The following PHF3 variants were observed in gnomAD, a reference collection of about 807,000 sequenced individuals.
The protein encoded by PHF3 is PHD finger protein 3.
A neutral mutation model predicts 178.4 loss-of-function variants in PHF3; 41 were observed. The ratio of observed to expected loss-of-function variants is 0.23; its 90% CI spans 0.18 to 0.30. The LOEUF is 0.30. Ranked by LOEUF, PHF3 falls within the 10% of genes least tolerant of loss-of-function variation. The pLI, the probability that PHF3 is intolerant of heterozygous loss-of-function variation, is 1.00. For missense variants in PHF3, 2,346 were observed against 2,398.1 expected (o/e 0.98, Z 0.45); for synonymous variants, 842 against 800.5 (o/e 1.05, Z -0.88).
At position 63,667,514 on chromosome 6, in the gene PHF3, T is replaced by C. The variant is rs531365657; in HGVS notation, c.245-12486T>C. On this transcript the variant is annotated intron_variant, in intron 2 of 15. Coordinates refer to ENST00000262043, the MANE Select transcript of PHF3 (RefSeq NM_001370348.2). ...CCATTTAGTTGAACTTTATCATGTA[T>C]CTTCCCAAAAAGGACTTATATATAA... 5.9e-5 allele frequency among the ~76,000 whole-genome samples: 9 copies of C among 152,328 alleles called. No homozygotes were observed. In the South Asian group the frequency reaches 1.2e-3, roughly 21 times the overall value.
chr6:63,682,197 G>T (rs1766468329), intron 3 of PHF3, among the ~76,000 whole-genome samples: 1 of 152,098 alleles, frequency 6.6e-6, no homozygotes, highest in Non-Finnish European at 1.5e-5. Flanking sequence ...CCAACAAATG[G>T]AGTAGGGGAA....
chr6:63,694,518 G>A (rs546656211), intron 5 of PHF3, 63 bp from the exon 6 acceptor site: 69 of 1,149,514 alleles, frequency 6.0e-5, no homozygotes, highest in South Asian at 1.1e-4. Flanking sequence ...ATTTTTGTAC[G>A]TCTTAAAAAA....
At chr6:63,711,079 A>G in intron 14 of PHF3, 88 bp from the exon 15 acceptor site, 1 of 878,454 alleles carries the variant, frequency 1.1e-6, no homozygotes, top group South Asian at 2.1e-5. Flanking sequence ...AAAGTTCAAT[A>G]GATTATTACT....
chr6:63,694,826 T>A, intron 6 of PHF3, 62 bp downstream of exon 6: 1 of 957,808 alleles, frequency 1.0e-6, no homozygotes, highest in Non-Finnish European at 1.4e-6. Context: ...AAGATACAAT[T>A]AATTAGTATA....
rs1768117375 is a variant in PHF3 at position 63,714,560 on chromosome 6, A to C, written c.*852A>C. ...GTTACTCAGCCAAGAACATATAGAA[A>C]TAGCTATCTATGTCAGGCATTAGAT... On this transcript the variant is annotated 3_prime_UTR_variant, in exon 16 of 16. Coordinates refer to ENST00000262043, the MANE Select transcript of PHF3 (RefSeq NM_001370348.2). The C allele has an allele frequency of 6.6e-6, 1 of 152,534 alleles. No individual in the cohort carries two copies. The highest frequency in any genetic ancestry group is 1.5e-5 in the Non-Finnish European group (1 of 67,994). The allele number at this position is 152,534 out of a possible 1,614,324, so 9.4% of individuals were successfully genotyped here.
chr6:63,660,360 C>A (rs1000890451), intron 2 of PHF3, among the ~76,000 whole-genome samples: 6 of 151,462 alleles, frequency 4.0e-5, no homozygotes, highest in African/African-American at 1.5e-4. Flanking sequence ...TAAGAAAAAA[C>A]CTCTAACTTC....
intron 2 of PHF3, among the ~76,000 whole-genome samples, chr6:63,667,490 C>T (rs1765730314): frequency 6.6e-6 from 1 of 152,146 alleles, no homozygotes; most frequent in Admixed American, 6.5e-5. Flanking sequence ...CCAGTCTACC[C>T]ATTTAGTTGA....
At chr6:63,642,507 C>G (rs1242655341) in intron 1 of PHF3, among the ~76,000 whole-genome samples, 1 of 152,110 alleles carries the variant, frequency 6.6e-6, no homozygotes, top group Non-Finnish European at 1.5e-5. Flanking sequence ...TTGAATTATG[C>G]AGATTATTCA....
intron 8 of PHF3, 34 bp from the exon 9 acceptor site, chr6:63,700,316 C>T: frequency 2.0e-6 from 2 of 1,008,376 alleles, no homozygotes; most frequent in South Asian, 3.0e-5. Flanking sequence ...AAATGTTTGT[C>T]TCCCCTTCTA....
rs1768198401 is a variant in PHF3, at chr6:63,716,644, A to T, written c.*2936A>T. Reference sequence around the variant, plus strand: ...TAAGATCAAGGTGTCAGCAAGATGCATTCATTTTCTGGAGACTTTCAGGGA... The same window carrying T: ...TAAGATCAAGGTGTCAGCAAGATGCTTTCATTTTCTGGAGACTTTCAGGGA... On this transcript the variant is annotated 3_prime_UTR_variant, in exon 16 of 16. Transcript: ENST00000262043. 6.6e-6 allele frequency among the ~76,000 whole-genome samples: 1 copy of T among 152,010 alleles called. No individual in the cohort carries two copies. The highest frequency in any genetic ancestry group is 1.5e-5 in the Non-Finnish European group (1 of 67,974).
At chr6:63,695,106 G>C (rs566626227) in intron 6 of PHF3, among the ~76,000 whole-genome samples, 79 of 152,286 alleles carry the variant, frequency 5.2e-4, no homozygotes, top group African/African-American at 1.9e-3. Flanking sequence ...CAGGTGGGAA[G>C]AGTAATGGGA....
chr6:63,670,785 A>G (rs535142163), intron 2 of PHF3, among the ~76,000 whole-genome samples: 1 of 152,346 alleles, frequency 6.6e-6, no homozygotes, highest in African/African-American at 2.4e-5. Flanking sequence ...ACATCAGAAA[A>G]CAAAAGAATA....
Position 63,698,339 on chromosome 6 carries a change from C to T in PHF3, c.2797C>T (p.His933Tyr). Residue 933 changes from histidine to tyrosine, a missense_variant, in exon 7 of 16, where the codon CAT (histidine) becomes TAT (tyrosine). This residue lies in a region of PHF3 where 252 missense variants were observed against 232.0 expected (regional missense o/e 1.09). Transcript: ENST00000262043. ...SADQIRQSVR[H>Y]SLKDILMKRL... ...AGATCAGATCAGGCAAAGTGTCAGA[C>T]ATTCTCTCAAAGACATTCTTATGAA... 1 of 1,611,892 alleles carries T rather than the reference C, an allele frequency of 6.2e-7. No individual in the cohort carries two copies. The highest frequency in any genetic ancestry group is 2.2e-5 in the East Asian group (1 of 44,794).
intron 2 of PHF3, among the ~76,000 whole-genome samples, chr6:63,678,613 T>A (rs972152501): frequency 1.3e-5 from 2 of 152,044 alleles, no homozygotes; most frequent in African/African-American, 4.8e-5. Flanking sequence ...AATGTACATA[T>A]GCATGCATTT....
intron 4 of PHF3, among the ~76,000 whole-genome samples, chr6:63,689,991 T>C (rs1766925552): frequency 1.3e-5 from 2 of 152,160 alleles, no homozygotes; most frequent in Admixed American, 1.3e-4. Flanking sequence ...GAAATAGCAG[T>C]TAGCCCATTG....
At position 63,716,824 on chromosome 6, in the gene PHF3, A is replaced by G. The variant is rs540352970; in HGVS notation, c.*3116A>G. 7.2e-5 allele frequency among the ~76,000 whole-genome samples: 11 copies of G among 152,080 alleles called. No homozygotes were observed. In the South Asian group the frequency reaches 2.3e-3, roughly 32 times the overall value. ...CCCTTCTGATTCCCTCTTCTACTAC[A>G]AAGGACCCTTGTGATTACATTGACC... On this transcript the variant is annotated 3_prime_UTR_variant, in exon 16 of 16. Coordinates refer to ENST00000262043, the MANE Select transcript of PHF3 (RefSeq NM_001370348.2).
Position 63,711,724 on chromosome 6 carries a change from A to T in PHF3, c.4136A>T (p.Asp1379Val), listed in dbSNP as rs1767935385. The change falls in exon 16 of 16, where the codon GAT becomes GTT. Residue 1379 changes from aspartate (D) to valine (V), a missense_variant. Asp to Val is a radical substitution (Grantham distance 152). Transcript: ENST00000262043. The part of the protein sequence containing the change: ...ESAPPIALPP[D>V]KKSKIEVSTE... ...GCACCACCAATAGCATTGCCACCTG[A>T]TAAAAAAAGTAAAATAGAAGTTTCT... 1 of 1,614,030 alleles carries T rather than the reference A, an allele frequency of 6.2e-7. No individual in the cohort carries two copies. Among genetic ancestry groups the T allele is most frequent in the Non-Finnish European group, 8.5e-7 (1 of 1,179,942 alleles).
intron 5 of PHF3, among the ~76,000 whole-genome samples, chr6:63,692,705 G>A (rs1440150986): frequency 6.6e-6 from 1 of 152,034 alleles, no homozygotes; most frequent in Non-Finnish European, 1.5e-5. Context: ...GAAATCTTTT[G>A]GTCCAATCAT....
intron 2 of PHF3, among the ~76,000 whole-genome samples, chr6:63,649,140 G>A (rs2149542618): frequency 6.6e-6 from 1 of 151,540 alleles, no homozygotes; most frequent in East Asian, 1.9e-4. Context: ...ACAGGGTCTT[G>A]TTATATTGCC....
Sources: gnomAD v4.1 joint callset for allele counts (sites outside exome capture counted in the v4.1 genomes callset) on GRCh38, gnomAD v4.1.1 for gene constraint, gnomAD v4.1.1 regional missense constraint, MANE v1.5 for transcripts, NCBI Gene and HGNC (gene_info 2026-07-23, HGNC 2026-07-21) for gene names.